GULP1: variants seen among roughly 807,000 people sequenced by gnomAD.
GULP1 encodes PTB domain-containing engulfment adapter protein 1.
GULP1 carries 19 observed loss-of-function variants against 40.9 expected under a neutral mutation model. The ratio of observed to expected loss-of-function variants is 0.46; its 90% CI spans 0.32 to 0.68. The LOEUF is 0.68. GULP1 is among the 30% of genes least tolerant of loss of function. The pLI, the probability that GULP1 is intolerant of heterozygous loss-of-function variation, is 0.03. For synonymous variants in GULP1, 119 were observed against 117.6 expected (o/e 1.01, Z -0.08); for missense variants, 312 against 362.2 (o/e 0.86, Z 1.12).
chr2:188,381,875 T>C (rs75615931), intron 1 of GULP1, among the ~76,000 whole-genome samples: 1,659 of 152,290 alleles, frequency 0.011, 39 homozygotes, highest in African/African-American at 0.037. Flanking sequence ...CCTTACATTT[T>C]ACAGCAAGGT....
At chr2:188,561,736 T>A (rs538974544) in intron 7 of GULP1, among the ~76,000 whole-genome samples, 1 of 152,092 alleles carries the variant, frequency 6.6e-6, no homozygotes, top group Admixed American at 6.5e-5. Flanking sequence ...ATTGCAGAGG[T>A]TGGCGTTGGC....
intron 7 of GULP1, among the ~76,000 whole-genome samples, chr2:188,550,073 A>G (rs544061406): frequency 6.6e-6 from 1 of 151,848 alleles, no homozygotes; most frequent in East Asian, 1.9e-4. Flanking sequence ...TTTGCAATAT[A>G]TTATCATTAG....
At chr2:188,426,640 C>A (rs956283430) in intron 2 of GULP1, among the ~76,000 whole-genome samples, 1 of 152,194 alleles carries the variant, frequency 6.6e-6, no homozygotes, top group Non-Finnish European at 1.5e-5. Context: ...ACAACAGTCT[C>A]TTTTGTTAGT....
At chr2:188,507,364 G>A (rs973186053) in intron 4 of GULP1, among the ~76,000 whole-genome samples, 8 of 144,334 alleles carry the variant, frequency 5.5e-5, no homozygotes, top group Non-Finnish European at 4.5e-5. Context: ...AAACGAGTGT[G>A]TTTCTGGAGC....
At chr2:188,310,868 T>A (rs1194280065) in intron 1 of GULP1, among the ~76,000 whole-genome samples, 2 of 152,180 alleles carry the variant, frequency 1.3e-5, no homozygotes, top group Non-Finnish European at 2.9e-5. Flanking sequence ...AGATCTAAAC[T>A]AGATCATTTT....
intron 2 of GULP1, among the ~76,000 whole-genome samples, chr2:188,433,477 A>T (rs2057105998): frequency 2.0e-5 from 3 of 152,116 alleles, no homozygotes. Context: ...CATCTGAATC[A>T]AAATTAGGAT....
chr2:188,302,719 T>G (rs1451856879), intron 1 of GULP1, among the ~76,000 whole-genome samples: 1 of 152,212 alleles, frequency 6.6e-6, no homozygotes, highest in East Asian at 1.9e-4. Flanking sequence ...TTTGGGCTTC[T>G]GTGTTCTGAT....
At chr2:188,546,873 A>G (rs1692099774) in intron 7 of GULP1, among the ~76,000 whole-genome samples, 2 of 152,152 alleles carry the variant, frequency 1.3e-5, no homozygotes, top group South Asian at 4.1e-4. Flanking sequence ...AACAGATTTC[A>G]CTACAGACTC....
chr2:188,434,766 C>G (rs943174235), intron 2 of GULP1, among the ~76,000 whole-genome samples: 8 of 151,548 alleles, frequency 5.3e-5, no homozygotes, highest in African/African-American at 1.9e-4. Context: ...ATTGTTTTTT[C>G]ATATCTTCTA....
intron 4 of GULP1, among the ~76,000 whole-genome samples, chr2:188,493,235 T>A (rs1007249871): frequency 1.3e-5 from 2 of 152,072 alleles, no homozygotes; most frequent in Admixed American, 1.3e-4. Flanking sequence ...ATCTTTATGT[T>A]TGGATCTTTC....
At chr2:188,512,917 A>G (rs752776495) in intron 4 of GULP1, among the ~76,000 whole-genome samples, 30 of 152,142 alleles carry the variant, frequency 2.0e-4, no homozygotes, top group Non-Finnish European at 3.4e-4. Context: ...CAAATACGAC[A>G]TATCTTACTA....
At chr2:188,569,906 C>T in intron 8 of GULP1, 122 bp from the exon 9 acceptor site, 2 of 526,014 alleles carry the variant, frequency 3.8e-6, no homozygotes, top group South Asian at 2.9e-5. Context: ...AAACAATTTT[C>T]TCCCCACGCA....
Position 188,576,003 on chromosome 2 carries a change from T to TAC in GULP1, c.609+5899_609+5900dup, listed in dbSNP as rs765360843. ...TTACTAATGGATTGGTTGGGGGCAGTACACACACACACACACAAAAGGAGC... is the reference window on the plus strand; with the variant it reads ...TTACTAATGGATTGGTTGGGGGCAGTACACACACACACACACACAAAAGGAGC... On this transcript the variant is annotated intron_variant, in intron 9 of 11. Coordinates refer to ENST00000409830, the MANE Select transcript of GULP1 (RefSeq NM_016315.4). Among the ~76,000 whole-genome samples the TAC allele has an allele frequency of 1.7e-3, 260 of 150,310 alleles. 1 individual carries two copies. The highest frequency in any genetic ancestry group is 4.8e-3 in the African/African-American group (196 of 41,148).
At chr2:188,393,397 C>T (rs1201440375) in intron 2 of GULP1, among the ~76,000 whole-genome samples, 1 of 151,850 alleles carries the variant, frequency 6.6e-6, no homozygotes, top group Non-Finnish European at 1.5e-5. Context: ...ACTACTCCTG[C>T]TTGATTTTGG....
chr2:188,392,502 C>G (rs1395550481), intron 2 of GULP1, among the ~76,000 whole-genome samples: 1 of 151,922 alleles, frequency 6.6e-6, no homozygotes, highest in Non-Finnish European at 1.5e-5. Flanking sequence ...CTTTGTTAAT[C>G]TAGCTAATGG....
At chr2:188,432,606 TG>T (rs199858668) in intron 2 of GULP1, among the ~76,000 whole-genome samples, 3,415 of 152,156 alleles carry the variant, frequency 0.022, 136 homozygotes, top group African/African-American at 0.078. Context: ...ATGTCAAAAC[TG>T]GACACCTCAT....
chr2:188,593,821 GTTAT>G (rs1490960371), intron 11 of GULP1, 115 bp from the exon 12 acceptor site: 20 of 631,828 alleles, frequency 3.2e-5, no homozygotes, highest in Non-Finnish European at 4.9e-5. Flanking sequence ...TTGACATATA[GTTAT>G]TTATTAGTTG....
At chr2:188,520,582 A>T (rs1480240961) in intron 4 of GULP1, among the ~76,000 whole-genome samples, 2 of 151,810 alleles carry the variant, frequency 1.3e-5, no homozygotes, top group Non-Finnish European at 2.9e-5. Context: ...CTGAAAAGTG[A>T]AACTTCTCTT....
chr2:188,473,746 A>G (rs1247759166), intron 2 of GULP1, among the ~76,000 whole-genome samples: 2 of 151,740 alleles, frequency 1.3e-5, no homozygotes, highest in Non-Finnish European at 2.9e-5. Flanking sequence ...AGCAACCCCA[A>G]GAGACGAGTT....
Sources: gnomAD v4.1 joint callset for allele counts (sites outside exome capture counted in the v4.1 genomes callset) on GRCh38, gnomAD v4.1.1 for gene constraint, MANE v1.5 for transcripts, NCBI Gene and HGNC (gene_info 2026-07-23, HGNC 2026-07-21) for gene names.